The following KDM5A variants were observed in gnomAD, a reference collection of about 807,000 sequenced individuals.
KDM5A encodes the protein lysine-specific demethylase 5A.
Under a neutral mutation model 193.5 loss-of-function variants are expected in KDM5A, and 42 were observed. The ratio of observed to expected loss-of-function variants is 0.22; its 90% CI spans 0.17 to 0.28. KDM5A has a LOEUF of 0.28. Ranked by LOEUF, KDM5A falls within the 10% of genes least tolerant of loss-of-function variation. KDM5A has a pLI of 1.00. For missense variants in KDM5A, 1,692 were observed against 2,055.1 expected, an observed-to-expected ratio of 0.82 and a Z score of 3.42; for synonymous variants, 796 against 718.1, an observed-to-expected ratio of 1.11 and a Z score of -1.73.
rs1943710333 is a variant in KDM5A at position 321,053 on chromosome 12, G to A, written c.2483C>T (p.Ala828Val). The A allele has an allele frequency of 6.2e-7, 1 of 1,614,146 alleles. No homozygotes were observed. Among genetic ancestry groups the A allele is most frequent in the Non-Finnish European group, 8.5e-7 (1 of 1,179,984 alleles). ...RTKLTVEELK[A>V]FVQQLFSLPC... ...AAGACTAAAAAGTTGTTGGACAAAGGCCTTCAATTCTTCCACTGTCAGTTT... is the reference window on the plus strand; with the variant it reads ...AAGACTAAAAAGTTGTTGGACAAAGACCTTCAATTCTTCCACTGTCAGTTT... The change falls in exon 18 of 28, where the codon GCC becomes GTC. Residue 828 changes from alanine to valine, a missense_variant. Ala to Val is a moderately conservative substitution (Grantham distance 64). Around this residue, in one of 11 missense-constraint regions of KDM5A, gnomAD observed 965 missense variants for 1,061.0 expected, o/e 0.91. Transcript: ENST00000399788.
chr12:350,194 T>C (rs995268666), intron 10 of KDM5A, among the ~76,000 whole-genome samples: 36 of 151,870 alleles, frequency 2.4e-4, no homozygotes, highest in Admixed American at 8.5e-4. Context: ...CCCAGCACTT[T>C]GGGAAGCCGA....
At chr12:358,110 A>G (rs1322527613) in intron 5 of KDM5A, among the ~76,000 whole-genome samples, 1 of 152,188 alleles carries the variant, frequency 6.6e-6, no homozygotes, top group Admixed American at 6.5e-5. Flanking sequence ...ATACTTGTTT[A>G]ATGTTTAAGT....
intron 3 of KDM5A, among the ~76,000 whole-genome samples, chr12:367,867 A>C (rs896935727): frequency 7.0e-6 from 1 of 143,568 alleles, no homozygotes; most frequent in Admixed American, 7.0e-5. Context: ...ACCCTGTCTC[A>C]AAAAAAAAAA....
At chr12:379,466 G>T (rs1364316869) in intron 3 of KDM5A, among the ~76,000 whole-genome samples, 1 of 43,942 alleles carries the variant, frequency 2.3e-5, no homozygotes. Flanking sequence ...CTACAAAACA[G>T]GTGTACACAT....
At chr12:297,990 T>G (rs1235046869) in intron 24 of KDM5A, among the ~76,000 whole-genome samples, 1 of 152,104 alleles carries the variant, frequency 6.6e-6, no homozygotes, top group Non-Finnish European at 1.5e-5. Context: ...ACTATTGCTC[T>G]CTAGATTCCT....
rs373133446 is a variant in KDM5A, at chr12:327,201, G to C, written c.1968+1634C>G. ...CAAAGTAGCACAAAGAAACATGGTAGAGGATCAGGAGATGGGACATTCAAA... is the reference window on the plus strand; with the variant it reads ...CAAAGTAGCACAAAGAAACATGGTACAGGATCAGGAGATGGGACATTCAAA... On this transcript the variant is annotated intron_variant, in intron 14 of 27. Transcript: ENST00000399788. 2.4e-4 allele frequency among the ~76,000 whole-genome samples: 36 copies of C among 152,342 alleles called. No homozygotes were observed. The South Asian group carries it at 7.0e-3, about 30-fold the overall frequency.
At chr12:304,455 T>G (rs1009728918) in intron 24 of KDM5A, among the ~76,000 whole-genome samples, 1 of 150,710 alleles carries the variant, frequency 6.6e-6, no homozygotes, top group Non-Finnish European at 1.5e-5. Context: ...GCTTTTTTTT[T>G]TTTTTTTTTT....
At chr12:293,378 G>C (rs1184507916) in intron 26 of KDM5A, among the ~76,000 whole-genome samples, 1 of 152,196 alleles carries the variant, frequency 6.6e-6, no homozygotes, top group Non-Finnish European at 1.5e-5. Flanking sequence ...GAAATGAATA[G>C]TGGTGACAGT....
Position 323,210 on chromosome 12 carries a change from C to CAAAGAAAAAAAAAA in KDM5A, c.2151-5_2151-4insTTTTTTTTTTCTTT. 3.4e-6 allele frequency: 1 copy of CAAAGAAAAAAAAAA among 294,574 alleles called. No individual in the cohort carries two copies. The highest frequency in any genetic ancestry group is 4.8e-6 in the Non-Finnish European group (1 of 209,434). The allele number at this position is 294,574 out of a possible 1,614,324, so 18.2% of individuals were successfully genotyped here. A position where few individuals can be genotyped will look rare whatever the true frequency, so the allele number is the denominator to read the frequency against. ...GTCTTCTAATGGGTAGCGATATCTA[C>CAAAGAAAAAAAAAA]AAAAAAAAAAAAAAAAAAAAAAAAA... On this transcript the variant is annotated splice_polypyrimidine_tract_variant and splice_region_variant and intron_variant, in intron 15 of 27. Coordinates refer to ENST00000399788, the MANE Select transcript of KDM5A (RefSeq NM_001042603.3).
Position 295,918 on chromosome 12 carries a change from T to C in KDM5A, c.4235-125A>G. 1.5e-5 allele frequency: 12 copies of C among 777,618 alleles called. No homozygotes were observed. The Middle Eastern group carries it at 9.5e-4, about 62-fold the overall frequency. 48.2% of individuals were successfully genotyped at this position (777,618 alleles called of 1,614,324 possible). ...TACTAACTTCAGATATCTGGATTCA[T>C]TATATCAGTATGAAAATGTAAACAG... On this transcript the variant is annotated intron_variant, in intron 25 of 27. Coordinates refer to ENST00000399788, the MANE Select transcript of KDM5A (RefSeq NM_001042603.3).
intron 3 of KDM5A, among the ~76,000 whole-genome samples, chr12:383,303 T>G (rs1019917169): frequency 6.6e-6 from 1 of 152,058 alleles, no homozygotes; most frequent in African/African-American, 2.4e-5. Context: ...CAGCCTTGAC[T>G]TTCCGGACTC....
chr12:286,280 C>A, intron 27 of KDM5A: 1 of 448,334 alleles, frequency 2.2e-6, no homozygotes, highest in Non-Finnish European at 4.5e-6. Flanking sequence ...AGACACAGGT[C>A]AATAGATCAC....
At chr12:338,977 C>T (rs903272638) in intron 10 of KDM5A, among the ~76,000 whole-genome samples, 2 of 152,118 alleles carry the variant, frequency 1.3e-5, no homozygotes, top group East Asian at 3.9e-4. Context: ...GTTGGGAGTT[C>T]GAGACCAGCC....
intron 24 of KDM5A, among the ~76,000 whole-genome samples, chr12:298,851 C>T (rs1315943646): frequency 2.0e-5 from 3 of 151,888 alleles, no homozygotes; most frequent in African/African-American, 7.3e-5. Flanking sequence ...TAGAAAAGAA[C>T]ATAAATGAAC....
In KDM5A at chr12:388,907, C is replaced by G; in HGVS notation, c.165+20G>C. 1.2e-6 allele frequency: 2 copies of G among 1,613,732 alleles called. No homozygotes were observed. The highest frequency in any genetic ancestry group is 1.7e-6 in the Non-Finnish European group (2 of 1,179,600). On this transcript the variant is annotated intron_variant, in intron 1 of 27. Transcript: ENST00000399788. ...CCCCCATTCTTCCTTCTCCCCCTCT[C>G]TCTTCACAGACTGAGGTACCTTGGG...
chr12:353,114 G>T (rs1448333341), intron 8 of KDM5A, among the ~76,000 whole-genome samples: 2 of 152,008 alleles, frequency 1.3e-5, no homozygotes, highest in Non-Finnish European at 2.9e-5. Context: ...GAAGGTCAAG[G>T]CAGGTGGACC....
Position 307,541 on chromosome 12 carries a change from C to G in KDM5A, c.3843G>C (p.Gln1281His). Residue 1281 changes from glutamine (Q) to histidine (H), a missense_variant, in exon 23 of 28, where the codon CAG becomes CAC. Gln to His is a conservative substitution (Grantham distance 24). Transcript: ENST00000399788. This position sits in a 1 kb window ranked among gnomAD's most constrained non-coding sequence, Gnocchi z 4.3. ...CTCGAGCCGCCTGTTCCACCATACG[C>G]TGGCTCAACACAGATAGTTTGGCCA... ...SALAKLSVLS[Q>H]RMVEQAAREK... 1 of 1,614,120 alleles carries G rather than the reference C, an allele frequency of 6.2e-7. No homozygotes were observed. Among genetic ancestry groups the G allele is most frequent in the Non-Finnish European group, 8.5e-7 (1 of 1,180,034 alleles).
At chr12:382,671 A>C (rs961125121) in intron 3 of KDM5A, among the ~76,000 whole-genome samples, 1 of 152,148 alleles carries the variant, frequency 6.6e-6, no homozygotes, top group African/African-American at 2.4e-5. Flanking sequence ...TCACGCCTGT[A>C]ATCTATAATC....
intron 10 of KDM5A, among the ~76,000 whole-genome samples, chr12:350,083 G>A (rs868278154): frequency 2.6e-5 from 4 of 151,318 alleles, no homozygotes; most frequent in Non-Finnish European, 4.4e-5. Context: ...AGCCAAGATC[G>A]TGCCACTACA....
Sources: allele counts gnomAD v4.1 joint callset (sites outside exome capture counted in the v4.1 genomes callset), GRCh38; gene constraint gnomAD v4.1.1; regional missense constraint gnomAD v4.1.1; non-coding constraint Gnocchi (gnomAD v3.1); transcripts MANE v1.5; gene names NCBI Gene and HGNC (gene_info 2026-07-23, HGNC 2026-07-21).